The following TENM3 variants were observed in gnomAD, a reference collection of about 807,000 sequenced individuals.
TENM3 encodes teneurin transmembrane protein 3.
In TENM3, 63 loss-of-function variants were observed where a neutral mutation model predicts 255.1. The ratio of observed to expected loss-of-function variants is 0.25; its 90% CI spans 0.20 to 0.30. The LOEUF is 0.30. Ranked by LOEUF, TENM3 falls within the 10% of genes least tolerant of loss-of-function variation. The pLI is 1.00. For synonymous variants in TENM3, 1,306 were observed against 1,322.3 expected, an observed-to-expected ratio of 0.99 and a Z score of 0.27; for missense variants, 2,929 against 3,461.1, an observed-to-expected ratio of 0.85 and a Z score of 3.86.
chr4:181,568,162 CTTTTT>C, the TENM3 span, among the ~76,000 whole-genome samples: 3 of 128,040 alleles, frequency 2.3e-5, no homozygotes, highest in Admixed American at 8.1e-5. Context: ...CCAACTAATA[CTTTTT>C]TTTTTTTTTT....
intron 1 of TENM3, among the ~76,000 whole-genome samples, chr4:182,202,569 T>A (rs1378346508): frequency 6.6e-6 from 1 of 152,070 alleles, no homozygotes; most frequent in East Asian, 1.9e-4. Flanking sequence ...CCTCCCAAAG[T>A]GCTGGGATTA....
chr4:182,779,122 A>G (rs1345292865), intron 24 of TENM3, among the ~76,000 whole-genome samples: 2 of 147,274 alleles, frequency 1.4e-5, no homozygotes, highest in South Asian at 2.2e-4. Context: ...TTAGTTACAT[A>G]TGTATACATG....
chr4:182,647,960 G>T (rs1464550884), intron 5 of TENM3, among the ~76,000 whole-genome samples: 1 of 152,132 alleles, frequency 6.6e-6, no homozygotes. Context: ...CACAATACAT[G>T]AATTTGTTTA....
the TENM3 span, among the ~76,000 whole-genome samples, chr4:181,649,813 A>G: frequency 6.6e-6 from 1 of 152,314 alleles, no homozygotes; most frequent in South Asian, 2.1e-4. Context: ...TTATAACAAT[A>G]TTGTCTACAG....
chr4:181,760,361 A>T, the TENM3 span, among the ~76,000 whole-genome samples: 6 of 152,130 alleles, frequency 3.9e-5, no homozygotes, highest in Non-Finnish European at 7.4e-5. Context: ...ATTGTTTTTA[A>T]ACTGCTAATA....
chr4:182,597,270 G>A (rs558411181), intron 3 of TENM3, among the ~76,000 whole-genome samples: 39 of 152,172 alleles, frequency 2.6e-4, no homozygotes, highest in Admixed American at 3.9e-4. Context: ...TTAGCCGGGC[G>A]TGGTGGCACA....
At chr4:182,267,588 A>G (rs1561263023) in intron 1 of TENM3, among the ~76,000 whole-genome samples, 1 of 152,134 alleles carries the variant, frequency 6.6e-6, no homozygotes, top group Non-Finnish European at 1.5e-5. Context: ...TTATCTTGGG[A>G]CTTCAAGAGA....
intron 3 of TENM3, among the ~76,000 whole-genome samples, chr4:182,380,044 G>A (rs1202361111): frequency 6.6e-6 from 1 of 152,056 alleles, no homozygotes; most frequent in Admixed American, 6.6e-5. Flanking sequence ...CAAGGCGGGC[G>A]GATCACCTGA....
the TENM3 span, among the ~76,000 whole-genome samples, chr4:181,632,080 A>G: frequency 6.6e-6 from 1 of 152,176 alleles, no homozygotes; most frequent in Non-Finnish European, 1.5e-5. Flanking sequence ...TCACACTGCT[A>G]TAAAGAACTA....
the TENM3 span, among the ~76,000 whole-genome samples, chr4:181,536,132 T>C: frequency 6.6e-6 from 1 of 152,226 alleles, no homozygotes; most frequent in African/African-American, 2.4e-5. Context: ...GCACAACTTC[T>C]GGTGAATAAT....
intron 3 of TENM3, among the ~76,000 whole-genome samples, chr4:182,501,579 C>A (rs1005401095): frequency 1.3e-5 from 2 of 152,028 alleles, no homozygotes; most frequent in Non-Finnish European, 2.9e-5. Flanking sequence ...TACTGTCACC[C>A]CATCCCATTT....
the TENM3 span, among the ~76,000 whole-genome samples, chr4:181,556,097 T>G: frequency 1.3e-5 from 2 of 152,214 alleles, no homozygotes; most frequent in African/African-American, 4.8e-5. Flanking sequence ...CCTTAACATG[T>G]TTTTCCTCAG....
chr4:182,738,615 C>A, intron 18 of TENM3, 71 bp downstream of exon 18: 1 of 1,318,960 alleles, frequency 7.6e-7, no homozygotes, highest in Non-Finnish European at 1.0e-6. Flanking sequence ...GCCCACTTTC[C>A]AACTCATGAG....
the TENM3 span, among the ~76,000 whole-genome samples, chr4:181,806,767 T>C: frequency 6.6e-6 from 1 of 152,224 alleles, no homozygotes; most frequent in African/African-American, 2.4e-5. Context: ...CGTGTTCTGT[T>C]ATAGCAGCAC....
At chr4:181,935,779 C>G in the TENM3 span, among the ~76,000 whole-genome samples, 6 of 152,186 alleles carry the variant, frequency 3.9e-5, no homozygotes, top group African/African-American at 1.4e-4. Flanking sequence ...CTCCTCTGCA[C>G]CGATGCCTTT....
intron 1 of TENM3, among the ~76,000 whole-genome samples, chr4:182,170,291 T>C (rs905411150): frequency 6.6e-6 from 1 of 152,154 alleles, no homozygotes; most frequent in Non-Finnish European, 1.5e-5. Context: ...ATTTTTTCAT[T>C]GCATTTCATA....
At chr4:182,366,551 TC>T (rs1448657890) in intron 3 of TENM3, among the ~76,000 whole-genome samples, 1 of 152,106 alleles carries the variant, frequency 6.6e-6, no homozygotes, top group Non-Finnish European at 1.5e-5. Context: ...ATACTTCATA[TC>T]GTCTAATAAA....
chr4:181,998,242 T>C, the TENM3 span, among the ~76,000 whole-genome samples: 6 of 152,224 alleles, frequency 3.9e-5, no homozygotes, highest in Non-Finnish European at 7.3e-5. Context: ...CATGTGTTAA[T>C]TGAGTGTGAT....
chr4:182,252,334 T>C (rs148341791), intron 1 of TENM3, among the ~76,000 whole-genome samples: 1,752 of 152,252 alleles, frequency 0.012, 16 homozygotes, highest in Non-Finnish European at 0.019. Context: ...TTTTAAGACC[T>C]CTAAAATCTC....
Sources: gnomAD v4.1 joint callset for allele counts (sites outside exome capture counted in the v4.1 genomes callset) on GRCh38, gnomAD v4.1.1 for gene constraint, MANE v1.5 for transcripts, NCBI Gene and HGNC (gene_info 2026-07-23, HGNC 2026-07-21) for gene names.